MOB3B: variants seen among roughly 807,000 people sequenced by gnomAD.
The protein encoded by MOB3B is MOB kinase activator-like 2B.
Under a neutral mutation model 18.7 loss-of-function variants are expected in MOB3B, and 7 were observed. The observed-to-expected ratio is 0.37, with a 90% CI of 0.21 to 0.70. The LOEUF (loss-of-function observed/expected upper bound fraction) is 0.70. MOB3B is among the 30% of genes least tolerant of loss of function. The pLI, the probability that MOB3B is intolerant of heterozygous loss-of-function variation, is 0.52. For synonymous variants in MOB3B, 111 were observed against 99.9 expected (o/e 1.11, Z -0.66); for missense variants, 253 against 281.3 (o/e 0.90, Z 0.72).
intron 2 of MOB3B, among the ~76,000 whole-genome samples, chr9:27,359,933 A>G (rs369648410): frequency 2.0e-5 from 3 of 152,134 alleles, no homozygotes; most frequent in African/African-American, 7.2e-5. Flanking sequence ...TGTTATTTGC[A>G]CTGTCCTTAA....
chr9:27,522,242 C>CAAAAAAAAAAAAAAAAAAA (rs1171362204), intron 1 of MOB3B, among the ~76,000 whole-genome samples: 10 of 56,040 alleles, frequency 1.8e-4, no homozygotes, highest in South Asian at 1.0e-3. Context: ...CCCCGTCTCA[C>CAAAAAAAAAAAAAAAAAAA]AAAAAAAAAA....
chr9:27,504,090 G>A (rs1286484132), intron 1 of MOB3B, among the ~76,000 whole-genome samples: 1 of 152,206 alleles, frequency 6.6e-6, no homozygotes, highest in East Asian at 1.9e-4. Context: ...GTGACCATCA[G>A]ACACAAAGTA....
chr9:27,337,234 G>T (rs1336866108), intron 3 of MOB3B, among the ~76,000 whole-genome samples: 1 of 152,264 alleles, frequency 6.6e-6, no homozygotes, highest in Admixed American at 6.5e-5. Context: ...TAGAGGCCAG[G>T]TCAGAAAGAG....
At chr9:27,411,600 T>G (rs560603862) in intron 2 of MOB3B, among the ~76,000 whole-genome samples, 2 of 152,138 alleles carry the variant, frequency 1.3e-5, no homozygotes, top group South Asian at 2.1e-4. Flanking sequence ...GTCTTCTAAA[T>G]GAACTGACAG....
chr9:27,524,997 A>G, intron 1 of MOB3B: 1 of 1,491,140 alleles, frequency 6.7e-7, no homozygotes, highest in Non-Finnish European at 9.0e-7. Flanking sequence ...TTTCCCTCCG[A>G]AATCTCTTTC....
chr9:27,495,876 C>T (rs1335695600), intron 1 of MOB3B, among the ~76,000 whole-genome samples: 1 of 152,152 alleles, frequency 6.6e-6, no homozygotes, highest in Non-Finnish European at 1.5e-5. Flanking sequence ...CTGTAACACA[C>T]AAAAGAAAGA....
intron 1 of MOB3B, among the ~76,000 whole-genome samples, chr9:27,519,781 T>A (rs1820295307): frequency 6.6e-6 from 1 of 151,960 alleles, no homozygotes; most frequent in South Asian, 2.1e-4. Flanking sequence ...TCTATCAGGG[T>A]CATCATTAAG....
intron 1 of MOB3B, among the ~76,000 whole-genome samples, chr9:27,484,511 T>C (rs1295545606): frequency 6.6e-6 from 1 of 152,244 alleles, no homozygotes; most frequent in African/African-American, 2.4e-5. Context: ...GCATTATTTT[T>C]CATTTATTTT....
At chr9:27,337,293 A>G (rs1370544896) in intron 3 of MOB3B, among the ~76,000 whole-genome samples, 1 of 152,260 alleles carries the variant, frequency 6.6e-6, no homozygotes, top group Non-Finnish European at 1.5e-5. Context: ...TTAGAGACTT[A>G]AAAATCTCCA....
intron 3 of MOB3B, among the ~76,000 whole-genome samples, chr9:27,342,921 C>T (rs936936810): frequency 3.4e-5 from 5 of 146,818 alleles, no homozygotes; most frequent in Non-Finnish European, 7.4e-5. Flanking sequence ...CTCTGCCTGG[C>T]CACCCATCGT....
chr9:27,472,659 T>G (rs914039089), intron 1 of MOB3B, among the ~76,000 whole-genome samples: 7 of 142,646 alleles, frequency 4.9e-5, no homozygotes, highest in African/African-American at 1.8e-4. Flanking sequence ...CTCTATTCTC[T>G]TTAAACTGCA....
intron 2 of MOB3B, among the ~76,000 whole-genome samples, chr9:27,451,820 A>T (rs971612427): frequency 6.6e-6 from 1 of 152,244 alleles, no homozygotes; most frequent in Non-Finnish European, 1.5e-5. Flanking sequence ...TAGCACAAAG[A>T]TCAAAAAGAA....
intron 1 of MOB3B, among the ~76,000 whole-genome samples, chr9:27,489,934 A>G (rs1434147793): frequency 6.6e-6 from 1 of 152,020 alleles, no homozygotes; most frequent in Non-Finnish European, 1.5e-5. Context: ...ATTCACATAT[A>G]TAGTAAATAT....
At chr9:27,423,818 A>C (rs532658639) in intron 2 of MOB3B, among the ~76,000 whole-genome samples, 16 of 152,360 alleles carry the variant, frequency 1.1e-4, no homozygotes, top group African/African-American at 3.8e-4. Context: ...AGAAAGTATC[A>C]ATTATTTAGC....
intron 1 of MOB3B, among the ~76,000 whole-genome samples, chr9:27,470,117 A>AAAAAAG (rs1446409060): frequency 2.0e-5 from 3 of 150,422 alleles, no homozygotes; most frequent in Non-Finnish European, 4.4e-5. Context: ...CTTAAAAGAA[A>AAAAAAG]AAAAAAAAAA....
chr9:27,361,101 C>G (rs1250686148), intron 2 of MOB3B, among the ~76,000 whole-genome samples: 1 of 152,100 alleles, frequency 6.6e-6, no homozygotes, highest in African/African-American at 2.4e-5. Context: ...GTCCTGTAAC[C>G]CACCTGGTGA....
chr9:27,400,721 C>T (rs986455541), intron 2 of MOB3B, among the ~76,000 whole-genome samples: 1 of 152,196 alleles, frequency 6.6e-6, no homozygotes, highest in Non-Finnish European at 1.5e-5. Flanking sequence ...GGTCCATTAA[C>T]GTACATGAAA....
chr9:27,469,421 C>T (rs915654067), intron 1 of MOB3B, among the ~76,000 whole-genome samples: 1 of 152,164 alleles, frequency 6.6e-6, no homozygotes, highest in Non-Finnish European at 1.5e-5. Context: ...AGCATCCTGG[C>T]CCCTAACCTG....
intron 3 of MOB3B, among the ~76,000 whole-genome samples, chr9:27,347,844 A>G (rs1202764242): frequency 6.6e-6 from 1 of 152,232 alleles, no homozygotes; most frequent in East Asian, 1.9e-4. Context: ...GTACAGGTTT[A>G]TAGCCTAGGA....
Sources: allele counts gnomAD v4.1 joint callset (sites outside exome capture counted in the v4.1 genomes callset), GRCh38; gene constraint gnomAD v4.1.1; transcripts MANE v1.5; gene names NCBI Gene and HGNC (gene_info 2026-07-23, HGNC 2026-07-21).